The following KIFAP3 variants were observed in gnomAD, a reference collection of about 807,000 sequenced individuals.
The protein encoded by KIFAP3 is kinesin-associated protein 3.
Under a neutral mutation model 106.5 loss-of-function variants are expected in KIFAP3, and 68 were observed. The observed-to-expected ratio is 0.64, with a 90% CI of 0.53 to 0.78. The LOEUF (loss-of-function observed/expected upper bound fraction) is 0.78, where lower values mean the gene tolerates loss of function less well. Ranked by LOEUF, KIFAP3 falls within the 30% of genes least tolerant of loss-of-function variation. The pLI is 0.00. For synonymous variants in KIFAP3, 320 were observed against 311.5 expected (o/e 1.03, Z -0.29); for missense variants, 780 against 941.8 (o/e 0.83, Z 2.25).
At chr1:170,073,496 TACCA>T (rs1485088388) in intron 1 of KIFAP3, among the ~76,000 whole-genome samples, 1 of 152,224 alleles carries the variant, frequency 6.6e-6, no homozygotes, top group Non-Finnish European at 1.5e-5. Flanking sequence ...CTTGAAATAA[TACCA>T]CCACCTTACA....
Position 169,982,775 on chromosome 1 carries a change from A to G in KIFAP3, c.1599T>C (p.Ile533=), listed in dbSNP as rs772826728. 6.2e-7 allele frequency: 1 copy of G among 1,610,116 alleles called. No individual in the cohort carries two copies. The highest frequency in any genetic ancestry group is 1.1e-5 in the South Asian group (1 of 90,582). ...ECLGTLANLT[I]PDLDWELVLK... Reference sequence around the variant, plus strand: ...GAACCAATTCCCAGTCTAAGTCTGGAATGGTCAAGTTTGCAAGAGTTCCCA... The same window carrying G: ...GAACCAATTCCCAGTCTAAGTCTGGGATGGTCAAGTTTGCAAGAGTTCCCA... The change falls in exon 14 of 20, where the codon ATT becomes ATC. Residue 533 remains isoleucine, a synonymous_variant. Coordinates refer to ENST00000361580, the MANE Select transcript of KIFAP3 (RefSeq NM_014970.4).
intron 19 of KIFAP3, among the ~76,000 whole-genome samples, chr1:169,928,068 A>C (rs2101772863): frequency 6.6e-6 from 1 of 151,594 alleles, no homozygotes; most frequent in East Asian, 2.0e-4. Flanking sequence ...ACAATGATCA[A>C]ATATGCTACA....
intron 19 of KIFAP3, among the ~76,000 whole-genome samples, chr1:169,938,536 A>C (rs905362143): frequency 6.6e-6 from 1 of 152,150 alleles, no homozygotes; most frequent in African/African-American, 2.4e-5. Context: ...CAGCATGGGA[A>C]ATGGAGTAAG....
chr1:169,973,122 T>TATATATATAA (rs1337198179), intron 16 of KIFAP3, among the ~76,000 whole-genome samples: 1 of 138,580 alleles, frequency 7.2e-6, no homozygotes, highest in African/African-American at 2.7e-5. Context: ...TATATATATA[T>TATATATATAA]AAACAACACA....
chr1:169,967,945 CA>C (rs1665713853), intron 17 of KIFAP3, among the ~76,000 whole-genome samples: 2 of 151,836 alleles, frequency 1.3e-5, no homozygotes. Context: ...AGGGATATCA[CA>C]GCTGAATCAC....
chr1:170,004,071 C>T, intron 10 of KIFAP3, among the ~76,000 whole-genome samples: 1 of 152,156 alleles, frequency 6.6e-6, no homozygotes, highest in African/African-American at 2.4e-5. Flanking sequence ...CAATAACAGA[C>T]AGAGAGCCAA....
chr1:170,033,711 A>G (rs370350498), intron 7 of KIFAP3, among the ~76,000 whole-genome samples: 18 of 151,922 alleles, frequency 1.2e-4, no homozygotes, highest in African/African-American at 2.6e-4. Flanking sequence ...GCACTAAGCA[A>G]AAGACTATTA....
chr1:170,084,402 C>T (rs1169565455), intron 1 of KIFAP3, among the ~76,000 whole-genome samples: 1 of 152,200 alleles, frequency 6.6e-6, no homozygotes, highest in East Asian at 1.9e-4. Flanking sequence ...CAATAAATGG[C>T]AACTGCTGCT....
At chr1:170,002,972 G>C (rs935200362) in intron 10 of KIFAP3, among the ~76,000 whole-genome samples, 1 of 152,064 alleles carries the variant, frequency 6.6e-6, no homozygotes, top group Non-Finnish European at 1.5e-5. Flanking sequence ...TACGTTTAAA[G>C]AACAGTTTAC....
intron 10 of KIFAP3, among the ~76,000 whole-genome samples, chr1:169,999,762 C>A (rs1348282998): frequency 6.6e-6 from 1 of 152,132 alleles, no homozygotes; most frequent in Non-Finnish European, 1.5e-5. Context: ...GCAGCCATTC[C>A]CCTCAAATTG....
intron 9 of KIFAP3, 64 bp from the exon 10 acceptor site, chr1:170,016,688 A>C: frequency 2.0e-6 from 2 of 1,017,382 alleles, no homozygotes; most frequent in Non-Finnish European, 2.8e-6. Flanking sequence ...AAAGAATATA[A>C]TTATTTTTTC....
At chr1:170,013,507 T>C (rs998144356) in intron 10 of KIFAP3, among the ~76,000 whole-genome samples, 1 of 149,590 alleles carries the variant, frequency 6.7e-6, no homozygotes. Context: ...AAAATACATA[T>C]ATATATGTAT....
At chr1:169,922,014 T>C (rs1662853970) in intron 19 of KIFAP3, among the ~76,000 whole-genome samples, 1 of 152,244 alleles carries the variant, frequency 6.6e-6, no homozygotes, top group Non-Finnish European at 1.5e-5. Flanking sequence ...CAGTAGGTAC[T>C]ATTTGAAACA....
chr1:170,056,891 C>CA (rs1252253619), intron 1 of KIFAP3, among the ~76,000 whole-genome samples: 1 of 151,130 alleles, frequency 6.6e-6, no homozygotes, highest in Non-Finnish European at 1.5e-5. Flanking sequence ...GGGAGGCCAG[C>CA]AAAAATCGAG....
intron 19 of KIFAP3, among the ~76,000 whole-genome samples, chr1:169,941,523 T>C (rs1664114846): frequency 1.4e-5 from 1 of 71,176 alleles, no homozygotes; most frequent in Non-Finnish European, 2.7e-5. Flanking sequence ...TGAGAATAAT[T>C]TTTTCTGTGA....
chr1:169,991,730 G>A (rs1050635304), intron 11 of KIFAP3, among the ~76,000 whole-genome samples: 17 of 151,804 alleles, frequency 1.1e-4, no homozygotes, highest in African/African-American at 3.4e-4. Context: ...ATTTTTATGT[G>A]ATAAATGGGA....
chr1:170,068,350 C>T (rs1182574665), intron 1 of KIFAP3: 2 of 151,854 alleles, frequency 1.3e-5, no homozygotes, highest in African/African-American at 4.8e-5. Context: ...AATGTCTCAA[C>T]ACATAAATAG....
intron 18 of KIFAP3, among the ~76,000 whole-genome samples, chr1:169,955,980 T>C (rs1664994089): frequency 6.6e-6 from 1 of 152,156 alleles, no homozygotes; most frequent in South Asian, 2.1e-4. Context: ...ATATAAAAAC[T>C]TGTGATTTTA....
rs1401721795 is a variant in KIFAP3, at chr1:169,928,681, T to TGAGTGA, written c.2274-6906_2274-6901dup. 2.9e-3 allele frequency among the ~76,000 whole-genome samples: 207 copies of TGAGTGA among 72,170 alleles called. 2 individuals carry two copies. Among genetic ancestry groups the TGAGTGA allele is most frequent in the Admixed American group, 0.014 (64 of 4,434 alleles). The allele number at this position is 72,170 out of a possible 152,430, so 47.3% of individuals were successfully genotyped here. On this transcript the variant is annotated intron_variant, in intron 19 of 19. Coordinates refer to ENST00000361580, the MANE Select transcript of KIFAP3 (RefSeq NM_014970.4). The stretch of plus-strand genomic sequence containing the variant: ...CTGCACTCCAGCCTGGGCAACAGAG[T>TGAGTGA]GAGTGAGACCCTGTCTCCAAAAAAA...
Sources: allele counts gnomAD v4.1 joint callset (sites outside exome capture counted in the v4.1 genomes callset), GRCh38; gene constraint gnomAD v4.1.1; transcripts MANE v1.5; gene names NCBI Gene and HGNC (gene_info 2026-07-23, HGNC 2026-07-21).